The following SH3PXD2A variants were observed in gnomAD, a reference collection of about 807,000 sequenced individuals.
SH3PXD2A encodes the protein SH3 and PX domain-containing protein 2A.
In SH3PXD2A, 32 loss-of-function variants were observed where a neutral mutation model predicts 115.2. That is an observed-to-expected ratio of 0.28 (90% CI 0.21 to 0.37). The LOEUF (loss-of-function observed/expected upper bound fraction) is 0.37. Among genes scored for constraint, SH3PXD2A ranks in the 10% least tolerant of loss-of-function variants. SH3PXD2A has a pLI of 1.00. For synonymous variants in SH3PXD2A, 610 were observed against 629.1 expected, an observed-to-expected ratio of 0.97 and a Z score of 0.45; for missense variants, 1,328 against 1,498.7, an observed-to-expected ratio of 0.89 and a Z score of 1.88.
chr10:103,752,754 GT>G (rs1253606180), intron 3 of SH3PXD2A, among the ~76,000 whole-genome samples: 2 of 152,166 alleles, frequency 1.3e-5, no homozygotes, highest in Non-Finnish European at 2.9e-5. Flanking sequence ...TCAGTACTCT[GT>G]TGAATCGTGG....
At chr10:103,810,915 C>T (rs2039261483) in intron 1 of SH3PXD2A, among the ~76,000 whole-genome samples, 1 of 9,192 alleles carries the variant, frequency 1.1e-4, no homozygotes, top group African/African-American at 2.1e-4. Flanking sequence ...TGGACACACA[C>T]ACACGGAGAC....
intron 6 of SH3PXD2A, 62 bp downstream of exon 6, chr10:103,692,966 G>C (rs980408570): frequency 7.0e-7 from 1 of 1,434,332 alleles, no homozygotes; most frequent in African/African-American, 1.4e-5. Context: ...TGCAGGATCG[G>C]AGGGGCGCGT....
Position 103,622,475 on chromosome 10 carries a change from C to A in SH3PXD2A, c.797G>T (p.Ser266Ile). 6.5e-7 allele frequency: 1 copy of A among 1,548,766 alleles called. No homozygotes were observed. The highest frequency in any genetic ancestry group is 1.2e-5 in the South Asian group (1 of 84,028). ...TLGGMVNRQH[S>I]REEKYVTVQP... ...AAGCCAGCTCCCGCAGTCACCTCGG[C>A]TGTGCTGCCTGTTGACCATCCCGCC... Residue 266 changes from serine to isoleucine, a missense_variant, in exon 10 of 15, where the codon AGC becomes ATC. Ser to Ile is a moderately radical substitution (Grantham distance 142). Around this residue, in one of 5 missense-constraint regions of SH3PXD2A, gnomAD observed 509 missense variants for 628.3 expected, o/e 0.81. Transcript: ENST00000369774.
chr10:103,613,475 G>T (rs1230068515), intron 11 of SH3PXD2A, among the ~76,000 whole-genome samples: 1 of 152,218 alleles, frequency 6.6e-6, no homozygotes, highest in Non-Finnish European at 1.5e-5. Flanking sequence ...GGGAGCTTGG[G>T]ATCAGATTTA....
chr10:103,832,847 A>G (rs559356087), intron 1 of SH3PXD2A, among the ~76,000 whole-genome samples: 1 of 152,320 alleles, frequency 6.6e-6, no homozygotes, highest in East Asian at 1.9e-4. Flanking sequence ...CATGTGTAAC[A>G]AACCTGCACA....
At chr10:103,633,278 T>C (rs1161161786) in intron 8 of SH3PXD2A, among the ~76,000 whole-genome samples, 1 of 151,860 alleles carries the variant, frequency 6.6e-6, no homozygotes, top group African/African-American at 2.4e-5. Flanking sequence ...TAGCCAGGTG[T>C]AGTGGCCCAT....
At chr10:103,809,743 G>A (rs919725129) in intron 1 of SH3PXD2A, among the ~76,000 whole-genome samples, 1 of 139,820 alleles carries the variant, frequency 7.2e-6, no homozygotes, top group African/African-American at 2.6e-5. Flanking sequence ...GGAGTGCAGT[G>A]GCGCCATCTC....
rs1022910106 is a variant in SH3PXD2A, at chr10:103,597,274, A to G, written c.*4542T>C. On this transcript the variant is annotated 3_prime_UTR_variant, in exon 15 of 15. Coordinates refer to ENST00000369774, the MANE Select transcript of SH3PXD2A (RefSeq NM_001394015.1). The stretch of plus-strand genomic sequence containing the variant: ...CGGCTCAAGGTTCTCACATCCCCCA[A>G]AAAGATCTGGTGACTTCTAGGCTTC... 1.3e-5 allele frequency: 2 copies of G among 152,562 alleles called. No individual in the cohort carries two copies. The highest frequency in any genetic ancestry group is 4.8e-5 in the African/African-American group (2 of 41,442). The allele number at this position is 152,562 out of a possible 1,614,324, so 9.5% of individuals were successfully genotyped here. A position where few individuals can be genotyped will look rare whatever the true frequency, so the allele number is the denominator to read the frequency against.
At chr10:103,805,096 C>T (rs1308158123) in intron 1 of SH3PXD2A, among the ~76,000 whole-genome samples, 2 of 152,216 alleles carry the variant, frequency 1.3e-5, no homozygotes, top group Non-Finnish European at 2.9e-5. Flanking sequence ...ACCAACCAAG[C>T]GGAGCCCAGG....
intron 4 of SH3PXD2A, among the ~76,000 whole-genome samples, chr10:103,729,100 T>C (rs923057113): frequency 6.6e-6 from 1 of 152,148 alleles, no homozygotes; most frequent in Non-Finnish European, 1.5e-5. Context: ...TTCACCAAGT[T>C]GGCCAGGCTG....
chr10:103,658,163 C>T (rs966991313), intron 8 of SH3PXD2A, among the ~76,000 whole-genome samples: 16 of 152,216 alleles, frequency 1.1e-4, no homozygotes, highest in Admixed American at 2.6e-4. Flanking sequence ...TCTCTTTAGA[C>T]CAATGAGAGC....
chr10:103,616,008 C>T (rs1398157849), intron 11 of SH3PXD2A, among the ~76,000 whole-genome samples: 1 of 144,118 alleles, frequency 6.9e-6, no homozygotes, highest in Admixed American at 7.1e-5. Flanking sequence ...GACTGATATG[C>T]ACCAGGGCTC....
chr10:103,695,553 CA>C (rs1259877470), intron 5 of SH3PXD2A, among the ~76,000 whole-genome samples: 13 of 151,560 alleles, frequency 8.6e-5, no homozygotes, highest in African/African-American at 3.2e-4. Context: ...ACAAAACTCA[CA>C]TGCTTGGAGG....
At chr10:103,704,832 G>C (rs1360548765) in intron 5 of SH3PXD2A, among the ~76,000 whole-genome samples, 1 of 152,180 alleles carries the variant, frequency 6.6e-6, no homozygotes, top group African/African-American at 2.4e-5. Context: ...GGCCATCCCA[G>C]CCTGTGAGGC....
intron 13 of SH3PXD2A, among the ~76,000 whole-genome samples, chr10:103,610,966 C>T (rs1190717833): frequency 6.6e-6 from 1 of 152,230 alleles, no homozygotes; most frequent in African/African-American, 2.4e-5. Context: ...CCAAGGCTCT[C>T]AGCCTGCCAC....
chr10:103,819,658 GGA>G (rs1489091394), intron 1 of SH3PXD2A, among the ~76,000 whole-genome samples: 2 of 152,136 alleles, frequency 1.3e-5, no homozygotes, highest in Non-Finnish European at 2.9e-5. Flanking sequence ...GTTTGGGATT[GGA>G]GAGAGAGGCG....
rs2036214055 is a variant in SH3PXD2A, at chr10:103,601,528, T to A, written c.*288A>T. ...GATGGCATGTAATCCATTGGTGAAG[T>A]CCCTATGGTGCACAGGATATCTCAG... On this transcript the variant is annotated 3_prime_UTR_variant, in exon 15 of 15. Transcript: ENST00000369774. The A allele has an allele frequency of 3.4e-6, 1 of 296,088 alleles. No individual in the cohort carries two copies. Among genetic ancestry groups the A allele is most frequent in the Admixed American group, 4.7e-5 (1 of 21,366 alleles). 18.3% of individuals were successfully genotyped at this position (296,088 alleles called of 1,614,324 possible).
chr10:103,604,833 C>T (rs1452654230), intron 14 of SH3PXD2A, among the ~76,000 whole-genome samples: 3 of 152,206 alleles, frequency 2.0e-5, no homozygotes, highest in African/African-American at 7.2e-5. Context: ...TCTTTACAGA[C>T]TCTCCTGGAA....
intron 5 of SH3PXD2A, among the ~76,000 whole-genome samples, chr10:103,720,475 T>C (rs960368801): frequency 1.3e-5 from 2 of 152,182 alleles, no homozygotes; most frequent in African/African-American, 4.8e-5. Flanking sequence ...GTCTGGGCTG[T>C]GACAGACCTT....
Sources: allele counts gnomAD v4.1 joint callset (sites outside exome capture counted in the v4.1 genomes callset), GRCh38; gene constraint gnomAD v4.1.1; regional missense constraint gnomAD v4.1.1; transcripts MANE v1.5; gene names NCBI Gene and HGNC (gene_info 2026-07-23, HGNC 2026-07-21).